The following MITF variants were observed in gnomAD, a reference collection of about 807,000 sequenced individuals.
MITF encodes microphthalmia-associated transcription factor.
Under a neutral mutation model 60.5 loss-of-function variants are expected in MITF, and 17 were observed. The ratio of observed to expected loss-of-function variants is 0.28; its 90% CI spans 0.19 to 0.42. The LOEUF (loss-of-function observed/expected upper bound fraction) is 0.42, where lower values mean the gene tolerates loss of function less well. MITF is among the 10% of genes least tolerant of loss of function. The probability of loss-of-function intolerance (pLI) is 1.00; values close to 1 mark genes in which losing one functional copy is unlikely to be tolerated. For synonymous variants in MITF, 260 were observed against 248.5 expected, an observed-to-expected ratio of 1.05 and a Z score of -0.43; for missense variants, 622 against 683.5, an observed-to-expected ratio of 0.91 and a Z score of 1.00.
chr3:69,881,556 A>G (rs1209069942), intron 2 of MITF, among the ~76,000 whole-genome samples: 1 of 152,070 alleles, frequency 6.6e-6, no homozygotes, highest in African/African-American at 2.4e-5. Context: ...AAGACTTAGG[A>G]CTTCATAAAT....
intron 1 of MITF, among the ~76,000 whole-genome samples, chr3:69,836,714 C>T (rs1449992854): frequency 6.6e-6 from 1 of 152,202 alleles, no homozygotes; most frequent in Admixed American, 6.5e-5. Flanking sequence ...TTCAGCTTTT[C>T]AGTACATTGT....
At chr3:69,849,042 G>A (rs1340385891) in intron 1 of MITF, among the ~76,000 whole-genome samples, 1 of 135,374 alleles carries the variant, frequency 7.4e-6, no homozygotes, top group Non-Finnish European at 1.5e-5. Context: ...TCGGCTCACT[G>A]CAAGCTCCGC....
intron 1 of MITF, among the ~76,000 whole-genome samples, chr3:69,868,977 C>T (rs1004620819): frequency 6.6e-6 from 1 of 151,460 alleles, no homozygotes; most frequent in Non-Finnish European, 1.5e-5. Context: ...ATGATCTCTT[C>T]TGACTTGGGA....
chr3:69,936,843 C>A (rs2065847963), intron 2 of MITF: 1 of 1,225,460 alleles, frequency 8.2e-7, no homozygotes, highest in Non-Finnish European at 1.2e-6. Flanking sequence ...AATAGACATA[C>A]TGTTTTCAAT....
chr3:69,838,995 G>C (rs1329287152), intron 1 of MITF, among the ~76,000 whole-genome samples: 2 of 152,132 alleles, frequency 1.3e-5, no homozygotes, highest in African/African-American at 4.8e-5. Flanking sequence ...CACTTTATGT[G>C]CTTGTTTATG....
intron 2 of MITF, among the ~76,000 whole-genome samples, chr3:69,913,559 G>C (rs2065268117): frequency 6.6e-6 from 1 of 152,182 alleles, no homozygotes; most frequent in South Asian, 2.1e-4. Context: ...TTGCATGAAG[G>C]TGACTCAGAT....
intron 2 of MITF, among the ~76,000 whole-genome samples, chr3:69,912,516 G>A (rs2065246417): frequency 6.6e-6 from 1 of 152,210 alleles, no homozygotes; most frequent in African/African-American, 2.4e-5. Flanking sequence ...GCTTGCACAT[G>A]TTCTAGTCAT....
chr3:69,936,376 C>G (rs937793182), intron 2 of MITF, among the ~76,000 whole-genome samples: 2 of 152,112 alleles, frequency 1.3e-5, no homozygotes, highest in African/African-American at 2.4e-5. Flanking sequence ...CTTGATCTGA[C>G]AGTGAGTTTG....
chr3:69,948,443 GCT>G, intron 5 of MITF, among the ~76,000 whole-genome samples: 1 of 150,000 alleles, frequency 6.7e-6, no homozygotes, highest in Middle Eastern at 3.4e-3. Flanking sequence ...GTAAATTTTT[GCT>G]CTCTTTTAAA....
intron 1 of MITF, among the ~76,000 whole-genome samples, chr3:69,868,469 G>A (rs1186013268): frequency 6.6e-6 from 1 of 152,022 alleles, no homozygotes; most frequent in East Asian, 1.9e-4. Context: ...TTTTTATCTA[G>A]TGGGTTTCTC....
At chr3:69,803,367 T>C (rs1386100307) in intron 1 of MITF, among the ~76,000 whole-genome samples, 1 of 152,226 alleles carries the variant, frequency 6.6e-6, no homozygotes. Flanking sequence ...TATCATTTCA[T>C]TGCAAGTAAA....
chr3:69,960,780 G>C (rs1245352580), intron 9 of MITF, among the ~76,000 whole-genome samples: 4 of 152,154 alleles, frequency 2.6e-5, no homozygotes, highest in Non-Finnish European at 5.9e-5. Flanking sequence ...CCTCCCGGAC[G>C]TTGAACTTTT....
intron 1 of MITF, among the ~76,000 whole-genome samples, chr3:69,745,319 A>G (rs62253054): frequency 0.21 from 32,345 of 152,090 alleles, 4,686 homozygotes; most frequent in Non-Finnish European, 0.31. Context: ...TTGATTGTGC[A>G]AAATTCAAAG....
intron 2 of MITF, among the ~76,000 whole-genome samples, chr3:69,919,764 G>T (rs991051593): frequency 4.0e-5 from 6 of 151,790 alleles, no homozygotes; most frequent in African/African-American, 1.4e-4. Context: ...AGATTGGAAA[G>T]AAATAACTTT....
At chr3:69,869,971 C>G (rs991338846) in intron 1 of MITF, among the ~76,000 whole-genome samples, 1 of 151,996 alleles carries the variant, frequency 6.6e-6, no homozygotes, top group Non-Finnish European at 1.5e-5. Flanking sequence ...TGGAGTCTTA[C>G]GTAGAACTCC....
rs548167455 is a variant in MITF, at chr3:69,864,034, G to A, written c.105-15100G>A. 3.5e-4 allele frequency among the ~76,000 whole-genome samples: 53 copies of A among 152,188 alleles called. No individual in the cohort carries two copies. In the South Asian group the frequency reaches 0.011, roughly 30 times the overall value. ...ATACAGGACAGGTAGCACTAACCAT[G>A]ATTATAATTGTAAGAGCTTTTTTAA... On this transcript the variant is annotated intron_variant, in intron 1 of 9. Transcript: ENST00000352241.
At chr3:69,811,501 A>G (rs977490303) in intron 1 of MITF, among the ~76,000 whole-genome samples, 11 of 152,198 alleles carry the variant, frequency 7.2e-5, no homozygotes, top group African/African-American at 2.7e-4. Flanking sequence ...ATGCCTGCCA[A>G]TACTAGCAGT....
At chr3:69,957,425 CAAAAT>C (rs1368547731) in intron 8 of MITF, among the ~76,000 whole-genome samples, 2 of 152,236 alleles carry the variant, frequency 1.3e-5, no homozygotes, top group African/African-American at 4.8e-5. Flanking sequence ...GGATTTGTAA[CAAAAT>C]AAAATAAAAC....
chr3:69,916,336 C>T (rs1013189947), intron 2 of MITF, among the ~76,000 whole-genome samples: 1 of 151,998 alleles, frequency 6.6e-6, no homozygotes, highest in African/African-American at 2.4e-5. Context: ...ATTTTATGAA[C>T]GTGTTCACAT....
Sources: gnomAD v4.1 joint callset for allele counts (sites outside exome capture counted in the v4.1 genomes callset) on GRCh38, gnomAD v4.1.1 for gene constraint, MANE v1.5 for transcripts, NCBI Gene and HGNC (gene_info 2026-07-23, HGNC 2026-07-21) for gene names.